RNF150: variants seen among roughly 807,000 people sequenced by gnomAD.
RNF150 encodes ring finger protein 150.
RNF150 carries 24 observed loss-of-function variants against 39.3 expected under a neutral mutation model. The ratio of observed to expected loss-of-function variants is 0.61; its 90% CI spans 0.44 to 0.86. The LOEUF (loss-of-function observed/expected upper bound fraction) is 0.86, where lower values mean the gene tolerates loss of function less well. Ranked by LOEUF, RNF150 falls within the 40% of genes least tolerant of loss-of-function variation. The probability of loss-of-function intolerance (pLI) is 0.00; values close to 1 mark genes in which losing one functional copy is unlikely to be tolerated. For missense variants in RNF150, 502 were observed against 587.8 expected, an observed-to-expected ratio of 0.85 and a Z score of 1.51; for synonymous variants, 255 against 227.3, an observed-to-expected ratio of 1.12 and a Z score of -1.10.
At chr4:141,171,456 CAGAAAG>C (rs1169271553) in intron 1 of RNF150, among the ~76,000 whole-genome samples, 6 of 87,994 alleles carry the variant, frequency 6.8e-5, no homozygotes, top group African/African-American at 3.0e-4. Flanking sequence ...GAGAGACAGA[CAGAAAG>C]AGAGAGAGAG....
intron 4 of RNF150, among the ~76,000 whole-genome samples, chr4:140,930,153 T>C (rs1731571402): frequency 6.6e-6 from 1 of 152,038 alleles, no homozygotes; most frequent in Admixed American, 6.5e-5. Context: ...AGAGCAAGAC[T>C]CTACCTCAAA....
intron 1 of RNF150, among the ~76,000 whole-genome samples, chr4:141,000,077 GAAGAAGA>G: frequency 1.2e-5 from 1 of 80,528 alleles, no homozygotes; most frequent in Admixed American, 1.2e-4. Context: ...AGAAGAAGAA[GAAGAAGA>G]AGGAGAAGAA....
chr4:140,965,553 C>G (rs1165414362), intron 2 of RNF150, among the ~76,000 whole-genome samples: 4 of 152,068 alleles, frequency 2.6e-5, no homozygotes, highest in African/African-American at 9.7e-5. Flanking sequence ...TACACACATA[C>G]AATGGATTAT....
intron 6 of RNF150, among the ~76,000 whole-genome samples, chr4:140,883,400 TATCTA>T (rs1285432175): frequency 2.0e-5 from 3 of 152,250 alleles, no homozygotes; most frequent in African/African-American, 7.2e-5. Context: ...TTTGTGTTAC[TATCTA>T]ATGTTCTTTT....
intron 1 of RNF150, among the ~76,000 whole-genome samples, chr4:140,982,143 A>T (rs1420768820): frequency 1.3e-5 from 2 of 152,128 alleles, no homozygotes; most frequent in African/African-American, 2.4e-5. Flanking sequence ...CCAATGGCAA[A>T]ATCTTCTTTG....
chr4:141,175,323 A>T (rs1727791337), intron 1 of RNF150, among the ~76,000 whole-genome samples: 1 of 152,216 alleles, frequency 6.6e-6, no homozygotes, highest in African/African-American at 2.4e-5. Flanking sequence ...AAACATAACA[A>T]AACCGAAAAA....
At chr4:140,879,986 A>C (rs927952378) in intron 6 of RNF150, among the ~76,000 whole-genome samples, 5 of 152,078 alleles carry the variant, frequency 3.3e-5, no homozygotes, top group Admixed American at 6.6e-5. Context: ...GATGCTTTTT[A>C]TATATTTTTT....
intron 6 of RNF150, among the ~76,000 whole-genome samples, chr4:140,902,359 T>C (rs901482322): frequency 2.0e-5 from 3 of 152,202 alleles, no homozygotes; most frequent in Non-Finnish European, 2.9e-5. Flanking sequence ...AAAATGAACC[T>C]ATATGCTAGT....
At chr4:141,143,042 T>A (rs1403629497) in intron 1 of RNF150, among the ~76,000 whole-genome samples, 1 of 152,100 alleles carries the variant, frequency 6.6e-6, no homozygotes, top group African/African-American at 2.4e-5. Flanking sequence ...GATAATTTTT[T>A]GTATTTTAGT....
intron 1 of RNF150, among the ~76,000 whole-genome samples, chr4:141,190,878 T>C (rs1023295105): frequency 2.0e-5 from 3 of 152,176 alleles, no homozygotes; most frequent in African/African-American, 7.2e-5. Context: ...GCTGGAGTAA[T>C]TAATAGAGTG....
Position 140,925,670 on chromosome 4 carries a change from G to A in RNF150, c.987+307C>T, listed in dbSNP as rs972323874. Among the ~76,000 whole-genome samples the A allele has an allele frequency of 4.6e-5, 7 of 152,150 alleles. No homozygotes were observed. The South Asian group carries it at 6.2e-4, about 14-fold the overall frequency. The stretch of plus-strand genomic sequence containing the variant: ...GCTCAGTGTGCAACTGGCCCGGGGT[G>A]TATCTGCTGCCGTCCCACCTGCCCT... On this transcript the variant is annotated intron_variant, in intron 5 of 6. Transcript: ENST00000515673.
intron 1 of RNF150, among the ~76,000 whole-genome samples, chr4:141,016,688 CT>C (rs1246547325): frequency 6.6e-6 from 1 of 152,176 alleles, no homozygotes; most frequent in Non-Finnish European, 1.5e-5. Context: ...ATTTTTCATC[CT>C]GCTTAATATC....
At chr4:141,177,063 A>C (rs1007389604) in intron 1 of RNF150, among the ~76,000 whole-genome samples, 8 of 151,258 alleles carry the variant, frequency 5.3e-5, no homozygotes, top group African/African-American at 1.9e-4. Flanking sequence ...GGAAAAAAAA[A>C]AAAAAAAAAA....
At chr4:141,103,718 AT>A (rs141284062) in intron 1 of RNF150, among the ~76,000 whole-genome samples, 19,582 of 152,044 alleles carry the variant, frequency 0.13, 1,437 homozygotes, top group Middle Eastern at 0.18. Flanking sequence ...AACCCTCTGA[AT>A]TTTTTTTGAA....
chr4:141,033,787 G>C (rs1001477236), intron 1 of RNF150, among the ~76,000 whole-genome samples: 11 of 152,126 alleles, frequency 7.2e-5, no homozygotes, highest in Admixed American at 7.2e-4. Flanking sequence ...ATCATATTTT[G>C]AAAGAAGTCT....
At chr4:140,970,960 G>A (rs1029541412) in intron 1 of RNF150, among the ~76,000 whole-genome samples, 1 of 152,010 alleles carries the variant, frequency 6.6e-6, no homozygotes, top group Admixed American at 6.6e-5. Flanking sequence ...AGTGATACTA[G>A]GGATATGTAT....
intron 1 of RNF150, among the ~76,000 whole-genome samples, chr4:140,969,486 G>A (rs1733374309): frequency 6.6e-6 from 1 of 151,962 alleles, no homozygotes; most frequent in South Asian, 2.1e-4. Flanking sequence ...GTTGTGTGGG[G>A]GATTAAGGCT....
chr4:140,911,376 T>C (rs1451355869), intron 5 of RNF150, 22 bp from the exon 6 acceptor site: 1 of 1,603,938 alleles, frequency 6.2e-7, no homozygotes, highest in Non-Finnish European at 8.5e-7. Flanking sequence ...GAAAAAGATC[T>C]GTTCTCAGTA....
At chr4:140,919,881 C>T (rs1295517432) in intron 5 of RNF150, among the ~76,000 whole-genome samples, 3 of 152,022 alleles carry the variant, frequency 2.0e-5, no homozygotes, top group Non-Finnish European at 2.9e-5. Context: ...GAAATAACGC[C>T]ACATATCTAC....
Sources: allele counts gnomAD v4.1 joint callset (sites outside exome capture counted in the v4.1 genomes callset), GRCh38; gene constraint gnomAD v4.1.1; transcripts MANE v1.5; gene names NCBI Gene and HGNC (gene_info 2026-07-23, HGNC 2026-07-21).